PRKG1: variants seen among roughly 807,000 people sequenced by gnomAD.
The protein encoded by PRKG1 is protein kinase cGMP-dependent 1, also known as cGMP-dependent protein kinase 1.
A neutral mutation model predicts 88.1 loss-of-function variants in PRKG1; 35 were observed. That is an observed-to-expected ratio of 0.40 (90% CI 0.30 to 0.53). The LOEUF (loss-of-function observed/expected upper bound fraction) is 0.53. PRKG1 is among the 20% of genes least tolerant of loss of function. The pLI is 0.59. For synonymous variants in PRKG1, 303 were observed against 292.5 expected, an observed-to-expected ratio of 1.04 and a Z score of -0.37; for missense variants, 540 against 839.8, an observed-to-expected ratio of 0.64 and a Z score of 4.41.
At chr10:52,178,604 G>T (rs1838929409) in intron 9 of PRKG1, among the ~76,000 whole-genome samples, 1 of 151,882 alleles carries the variant, frequency 6.6e-6, no homozygotes, top group Non-Finnish European at 1.5e-5. Flanking sequence ...GATGGATGTT[G>T]AAGTTTCCAG....
At chr10:52,224,836 T>TAC (rs1554818882) in intron 9 of PRKG1, among the ~76,000 whole-genome samples, 4 of 89,888 alleles carry the variant, frequency 4.4e-5, no homozygotes, top group South Asian at 4.4e-4. Flanking sequence ...TATATATATA[T>TAC]ATACATACAT....
At chr10:51,514,950 T>G (rs569651963) in intron 3 of PRKG1, among the ~76,000 whole-genome samples, 12 of 152,262 alleles carry the variant, frequency 7.9e-5, no homozygotes, top group Non-Finnish European at 1.6e-4. Context: ...GTCCTGTGCA[T>G]TGTGGGATGT....
At chr10:51,257,927 T>C (rs1839607235) in intron 2 of PRKG1, among the ~76,000 whole-genome samples, 1 of 152,106 alleles carries the variant, frequency 6.6e-6, no homozygotes, top group African/African-American at 2.4e-5. Flanking sequence ...GAGAGGAGTA[T>C]GGATGCTAGG....
chr10:51,126,210 A>G (rs1424652294), intron 1 of PRKG1, among the ~76,000 whole-genome samples: 3 of 121,616 alleles, frequency 2.5e-5, no homozygotes, highest in East Asian at 5.1e-4. Context: ...GTTATTTATA[A>G]TTATTTATAT....
chr10:51,258,920 A>G (rs2132155253), intron 2 of PRKG1, among the ~76,000 whole-genome samples: 1 of 152,230 alleles, frequency 6.6e-6, no homozygotes, highest in Non-Finnish European at 1.5e-5. Flanking sequence ...TAGCCAGATC[A>G]CTGTTCTTTG....
intron 8 of PRKG1, among the ~76,000 whole-genome samples, chr10:52,153,073 G>C (rs970823710): frequency 2.0e-5 from 3 of 152,140 alleles, no homozygotes; most frequent in Non-Finnish European, 2.9e-5. Context: ...ATATAGGTGG[G>C]GGTGAGAGAG....
At chr10:51,810,106 A>C (rs967341197) in intron 4 of PRKG1, among the ~76,000 whole-genome samples, 3 of 152,180 alleles carry the variant, frequency 2.0e-5, no homozygotes, top group Admixed American at 6.5e-5. Context: ...CAAAACTCTT[A>C]TAAATGTCTG....
At chr10:52,124,924 G>T (rs1374692040) in intron 7 of PRKG1, among the ~76,000 whole-genome samples, 1 of 152,068 alleles carries the variant, frequency 6.6e-6, no homozygotes, top group Non-Finnish European at 1.5e-5. Flanking sequence ...CCCTTGGAAG[G>T]TCTTCAGGGG....
At chr10:51,757,472 T>C (rs1387357758) in intron 3 of PRKG1, among the ~76,000 whole-genome samples, 3 of 152,150 alleles carry the variant, frequency 2.0e-5, no homozygotes, top group Non-Finnish European at 4.4e-5. Context: ...AAATTATAGA[T>C]AAAAGGCTTT....
intron 3 of PRKG1, among the ~76,000 whole-genome samples, chr10:51,469,696 A>G (rs115874980): frequency 1.9e-3 from 288 of 151,986 alleles, no homozygotes; most frequent in African/African-American, 6.0e-3. Context: ...ATCCATCTTC[A>G]AAGAAAATGA....
intron 3 of PRKG1, among the ~76,000 whole-genome samples, chr10:51,800,096 C>T (rs967043769): frequency 1.3e-5 from 2 of 151,846 alleles, no homozygotes; most frequent in East Asian, 1.9e-4. Context: ...TAAAAATAGC[C>T]GCTGTTTCTA....
chr10:51,541,008 C>T (rs1217101431), intron 3 of PRKG1, among the ~76,000 whole-genome samples: 1 of 152,172 alleles, frequency 6.6e-6, no homozygotes, highest in Admixed American at 6.5e-5. Context: ...TGAGCCACCA[C>T]ATCCGGCCCA....
chr10:51,442,831 G>T (rs947788033), intron 2 of PRKG1, among the ~76,000 whole-genome samples: 5 of 151,962 alleles, frequency 3.3e-5, no homozygotes, highest in Non-Finnish European at 5.9e-5. Context: ...ACCTCTTAGT[G>T]GCCTAGAACA....
rs928091887 is a variant in PRKG1 at position 52,166,880 on chromosome 10, T to C, written c.1076+4917T>C. 3.7e-4 allele frequency among the ~76,000 whole-genome samples: 45 copies of C among 121,952 alleles called. 1 individual carries two copies. The highest frequency in any genetic ancestry group is 1.2e-3 in the African/African-American group (40 of 32,106). The allele number at this position is 121,952 out of a possible 152,430, so 80.0% of individuals were successfully genotyped here. Reference sequence around the variant, plus strand: ...ATATATATCTGTATATGTGTATGTATACACACACACACACACACACACACA... The same window carrying C: ...ATATATATCTGTATATGTGTATGTACACACACACACACACACACACACACA... On this transcript the variant is annotated intron_variant, in intron 9 of 17. Transcript: ENST00000373980.
intron 2 of PRKG1, among the ~76,000 whole-genome samples, chr10:51,378,694 G>A (rs1842862809): frequency 6.6e-6 from 1 of 152,058 alleles, no homozygotes; most frequent in South Asian, 2.1e-4. Context: ...CTGAGTTTCA[G>A]TCTTGGCACT....
chr10:51,626,027 C>T (rs906564187), intron 3 of PRKG1, among the ~76,000 whole-genome samples: 9 of 152,142 alleles, frequency 5.9e-5, no homozygotes, highest in African/African-American at 1.7e-4. Flanking sequence ...ACTTGCTGCA[C>T]GACAATATTG....
At chr10:52,270,884 T>TA (rs993779565) in intron 10 of PRKG1, among the ~76,000 whole-genome samples, 6 of 150,620 alleles carry the variant, frequency 4.0e-5, no homozygotes, top group Non-Finnish European at 7.4e-5. Context: ...AATAAAATTT[T>TA]AAAAAAAAGA....
intron 4 of PRKG1, among the ~76,000 whole-genome samples, chr10:51,808,879 G>A (rs1018035728): frequency 3.3e-5 from 5 of 152,078 alleles, no homozygotes; most frequent in African/African-American, 1.2e-4. Flanking sequence ...TTTCGGTAGG[G>A]GTCTCTGTTG....
chr10:51,939,135 T>C (rs1474539317), intron 5 of PRKG1, among the ~76,000 whole-genome samples: 1 of 152,036 alleles, frequency 6.6e-6, no homozygotes, highest in Non-Finnish European at 1.5e-5. Context: ...GCTATTATCT[T>C]ATTTTATTCT....
Sources: allele counts gnomAD v4.1 joint callset (sites outside exome capture counted in the v4.1 genomes callset), GRCh38; gene constraint gnomAD v4.1.1; transcripts MANE v1.5; gene names NCBI Gene and HGNC (gene_info 2026-07-23, HGNC 2026-07-21).